The following SULF1 variants were observed in gnomAD, a reference collection of about 807,000 sequenced individuals.
SULF1 encodes sulfatase 1.
A neutral mutation model predicts 110.5 loss-of-function variants in SULF1; 46 were observed. The ratio of observed to expected loss-of-function variants is 0.42; its 90% confidence interval spans 0.33 to 0.53. The LOEUF is 0.53. Among genes scored for constraint, SULF1 ranks in the 20% least tolerant of loss-of-function variants. SULF1 has a pLI of 0.12. For missense variants in SULF1, 941 were observed against 1,094.2 expected, an observed-to-expected ratio of 0.86 and a Z score of 1.98; for synonymous variants, 371 against 387.1, an observed-to-expected ratio of 0.96 and a Z score of 0.49.
At position 69,660,817 on chromosome 8, in the gene SULF1, A is replaced by G. The variant is rs1267020542; in HGVS notation, c.*2282A>G. On this transcript the variant is annotated 3_prime_UTR_variant, in exon 23 of 23. Coordinates refer to ENST00000402687, the MANE Select transcript of SULF1 (RefSeq NM_001128205.2). Reference sequence around the variant, plus strand: ...ATTAGGAAGCATACTCTGTTTTTTAATCATGTATAATATTCCATGATACTT... The same window carrying G: ...ATTAGGAAGCATACTCTGTTTTTTAGTCATGTATAATATTCCATGATACTT... 6.6e-6 allele frequency: 1 copy of G among 152,642 alleles called. No individual in the cohort carries two copies. The highest frequency in any genetic ancestry group is 1.5e-5 in the Non-Finnish European group (1 of 68,034). The allele number at this position is 152,642 out of a possible 1,614,324, so 9.5% of individuals were successfully genotyped here. A position where few individuals can be genotyped will look rare whatever the true frequency, so the allele number is the denominator to read the frequency against.
At position 69,492,997 on chromosome 8, in the gene SULF1, G is replaced by A. The variant is rs962210972; in HGVS notation, c.-519G>A. ...CTGCCGGCGCTCCTCGGAGGTCAGG[G>A]CAGATGAGGAACATGACTCTCCCCC... On this transcript the variant is annotated 5_prime_UTR_variant, in exon 1 of 23. Transcript: ENST00000402687. The A allele has an allele frequency of 2.0e-5, 3 of 152,642 alleles. No individual in the cohort carries two copies. The highest frequency in any genetic ancestry group is 4.4e-5 in the Non-Finnish European group (3 of 68,086). The allele number at this position is 152,642 out of a possible 1,614,324, so 9.5% of individuals were successfully genotyped here.
intron 6 of SULF1, among the ~76,000 whole-genome samples, chr8:69,577,392 C>A (rs567377779): frequency 6.6e-6 from 1 of 152,294 alleles, no homozygotes; most frequent in South Asian, 2.1e-4. Context: ...TCAAATATTG[C>A]GTGACCAGCT....
At chr8:69,602,673 G>A (rs545395564) in intron 10 of SULF1, among the ~76,000 whole-genome samples, 2 of 152,250 alleles carry the variant, frequency 1.3e-5, no homozygotes, top group South Asian at 4.1e-4. Context: ...TGGAGAGAGG[G>A]CAATTGAAGT....
intron 22 of SULF1, among the ~76,000 whole-genome samples, chr8:69,650,813 G>A (rs540434883): frequency 6.6e-5 from 10 of 152,064 alleles, no homozygotes; most frequent in South Asian, 6.2e-4. Flanking sequence ...TGACCACCTC[G>A]TTGCTTTCTG....
intron 3 of SULF1, among the ~76,000 whole-genome samples, chr8:69,525,718 C>A (rs948854374): frequency 6.6e-6 from 1 of 152,132 alleles, no homozygotes; most frequent in African/African-American, 2.4e-5. Flanking sequence ...TCAATGCATG[C>A]CTTACATGTG....
At chr8:69,627,647 A>G (rs1194300257) in intron 16 of SULF1, 125 bp from the exon 17 acceptor site, 2 of 714,404 alleles carry the variant, frequency 2.8e-6, no homozygotes, top group African/African-American at 3.5e-5. Flanking sequence ...GTTTGTTTCT[A>G]TGTTAAGTAT....
At chr8:69,531,585 T>C (rs2150643103) in intron 3 of SULF1, among the ~76,000 whole-genome samples, 1 of 152,360 alleles carries the variant, frequency 6.6e-6, no homozygotes, top group Admixed American at 6.5e-5. Context: ...AAGTCTTTCT[T>C]AACCAGTCAA....
intron 8 of SULF1, among the ~76,000 whole-genome samples, chr8:69,594,293 C>T (rs984330026): frequency 2.6e-5 from 4 of 152,124 alleles, no homozygotes; most frequent in African/African-American, 4.8e-5. Flanking sequence ...TCAGGTGATC[C>T]GCCCGCCTCA....
chr8:69,491,377 T>G (rs1434760566), upstream of SULF1, among the ~76,000 whole-genome samples: 1 of 152,182 alleles, frequency 6.6e-6, no homozygotes, highest in Non-Finnish European at 1.5e-5. Context: ...GAGGAGTTCC[T>G]CCATAAAATC....
chr8:69,491,169 G>A (rs1011340199), upstream of SULF1, among the ~76,000 whole-genome samples: 1 of 152,136 alleles, frequency 6.6e-6, no homozygotes, highest in Non-Finnish European at 1.5e-5. Context: ...TAGCACAGGT[G>A]GAATTTGAAG....
At chr8:69,579,785 A>T (rs182243098) in intron 6 of SULF1, among the ~76,000 whole-genome samples, 2 of 152,338 alleles carry the variant, frequency 1.3e-5, no homozygotes, top group Admixed American at 1.3e-4. Context: ...GAGAATTGGT[A>T]GGTAGATATT....
chr8:69,492,555 G>A (rs907670685), upstream of SULF1, among the ~76,000 whole-genome samples: 12 of 152,170 alleles, frequency 7.9e-5, no homozygotes, highest in African/African-American at 2.9e-4. Context: ...CGGGTGCTCA[G>A]GGAGCCGGAA....
At chr8:69,588,665 T>G (rs1214635934) in intron 7 of SULF1, among the ~76,000 whole-genome samples, 2 of 152,200 alleles carry the variant, frequency 1.3e-5, no homozygotes, top group Non-Finnish European at 2.9e-5. Context: ...CTAGTACTTT[T>G]ATCGCCAGAT....
At chr8:69,490,430 G>A (rs1240208757), upstream of SULF1, among the ~76,000 whole-genome samples, 1 of 152,052 alleles carries the variant, frequency 6.6e-6, no homozygotes, top group Non-Finnish European at 1.5e-5. Context: ...TTAAACAAGA[G>A]TTTAAAAATT....
At chr8:69,591,540 G>A (rs1225552440) in intron 8 of SULF1, among the ~76,000 whole-genome samples, 2 of 151,534 alleles carry the variant, frequency 1.3e-5, no homozygotes, top group Admixed American at 6.6e-5. Context: ...CTCCAGCCTC[G>A]GCGACAGAGC....
intron 3 of SULF1, among the ~76,000 whole-genome samples, chr8:69,534,706 A>G (rs1209584597): frequency 6.6e-6 from 1 of 152,180 alleles, no homozygotes; most frequent in Non-Finnish European, 1.5e-5. Flanking sequence ...TTGAGACAAG[A>G]TAGCAGTATT....
At chr8:69,597,399 GCTGAGAT>G (rs1807426502) in intron 8 of SULF1, 1 of 152,218 alleles carries the variant, frequency 6.6e-6, no homozygotes, top group Admixed American at 6.5e-5. Context: ...CCTGCTGCCT[GCTGAGAT>G]CCCACCTGGG....
At chr8:69,592,313 T>C (rs1456179167) in intron 8 of SULF1, among the ~76,000 whole-genome samples, 1 of 152,024 alleles carries the variant, frequency 6.6e-6, no homozygotes, top group African/African-American at 2.4e-5. Context: ...ATATTGAGGG[T>C]GTCAGTGAGT....
chr8:69,601,904 A>C lies in SULF1; in HGVS notation c.1061+75A>C. Reference sequence around the variant, plus strand: ...CTAAGATAATTCAATTACCAGTCTCAGTATCTGGTTTCCTTTCATCCAAAA... The same window carrying C: ...CTAAGATAATTCAATTACCAGTCTCCGTATCTGGTTTCCTTTCATCCAAAA... On this transcript the variant is annotated intron_variant, in intron 10 of 22. Transcript: ENST00000402687. The C allele has an allele frequency of 7.1e-6, 10 of 1,417,402 alleles. 1 individual carries two copies. Among genetic ancestry groups the C allele is most frequent in the Non-Finnish European group, 8.6e-6 (9 of 1,050,994 alleles). The allele number at this position is 1,417,402 out of a possible 1,614,324, so 87.8% of individuals were successfully genotyped here. A position where few individuals can be genotyped will look rare whatever the true frequency, so the allele number is the denominator to read the frequency against.
Sources: allele counts gnomAD v4.1 joint callset (sites outside exome capture counted in the v4.1 genomes callset), GRCh38; gene constraint gnomAD v4.1.1; transcripts MANE v1.5; gene names NCBI Gene and HGNC (gene_info 2026-07-23, HGNC 2026-07-21).